The following STMND1 variants were observed in gnomAD, a reference collection of about 807,000 sequenced individuals.
STMND1 encodes stathmin domain-containing protein 1.
A neutral mutation model predicts 23.0 loss-of-function variants in STMND1; 17 were observed. The ratio of observed to expected loss-of-function variants is 0.74; its 90% CI spans 0.51 to 1.11. STMND1 has a LOEUF of 1.11. Ranked by LOEUF, STMND1 falls within the 50% of genes least tolerant of loss-of-function variation. STMND1 has a pLI of 0.00. For missense variants in STMND1, 305 were observed against 329.1 expected, an observed-to-expected ratio of 0.93 and a Z score of 0.57; for synonymous variants, 114 against 119.9, an observed-to-expected ratio of 0.95 and a Z score of 0.32.
intron 1 of STMND1, among the ~76,000 whole-genome samples, chr6:17,107,569 T>TTTC (rs2113474050): frequency 6.6e-6 from 1 of 152,288 alleles, no homozygotes; most frequent in African/African-American, 2.4e-5. Flanking sequence ...GTATACTTCT[T>TTTC]TTCTTCTTCT....
At chr6:17,126,027 C>A in intron 3 of STMND1, among the ~76,000 whole-genome samples, 1 of 72,160 alleles carries the variant, frequency 1.4e-5, no homozygotes, top group East Asian at 3.6e-4. Context: ...ATAAGGTGAT[C>A]ATTGTTTTAT....
At position 17,110,982 on chromosome 6, in the gene STMND1, G is replaced by A. The variant is rs61525654; in HGVS notation, c.82-3980G>A. 2,557 of 401,698 alleles carry A rather than the reference G, an allele frequency of 6.4e-3. 64 individuals are homozygous for A. The highest frequency in any genetic ancestry group is 0.048 in the African/African-American group (2,303 of 47,760). 24.9% of individuals were successfully genotyped at this position (401,698 alleles called of 1,614,324 possible). ...GCCAGCACCTGGAGAGAGAAGACATGGTAGTCAGGGGAGATACGATAAAAG... is the reference window on the plus strand; with the variant it reads ...GCCAGCACCTGGAGAGAGAAGACATAGTAGTCAGGGGAGATACGATAAAAG... On this transcript the variant is annotated intron_variant, in intron 1 of 4. Coordinates refer to ENST00000536551, the MANE Select transcript of STMND1 (RefSeq NM_001190766.2).
intron 3 of STMND1, among the ~76,000 whole-genome samples, chr6:17,123,381 A>G (rs764737295): frequency 6.6e-6 from 1 of 152,192 alleles, no homozygotes; most frequent in Non-Finnish European, 1.5e-5. Context: ...TGGCTTTGGT[A>G]TTAGGCCAAG....
intron 1 of STMND1, chr6:17,110,409 T>G: frequency 6.0e-6 from 1 of 166,298 alleles, no homozygotes; most frequent in Non-Finnish European, 1.3e-5. Flanking sequence ...GAGGGCAGAG[T>G]CCTGAGGCCC....
chr6:17,127,612 C>T (rs773119806), intron 3 of STMND1, among the ~76,000 whole-genome samples: 2 of 152,150 alleles, frequency 1.3e-5, no homozygotes, highest in Non-Finnish European at 2.9e-5. Context: ...AAACCCAGGG[C>T]TGACTAAGTC....
intron 3 of STMND1, among the ~76,000 whole-genome samples, 161 bp downstream of exon 3, chr6:17,120,919 A>G (rs1349720967): frequency 6.6e-6 from 1 of 152,174 alleles, no homozygotes; most frequent in East Asian, 1.9e-4. Flanking sequence ...ATCTCTGCAC[A>G]CCATCTCATA....
At position 17,120,666 on chromosome 6, in the gene STMND1, A is replaced by T; in HGVS notation, c.319A>T (p.Lys107Ter). 1 of 1,535,736 alleles carries T rather than the reference A, an allele frequency of 6.5e-7. No individual in the cohort carries two copies. The highest frequency in any genetic ancestry group is 1.4e-5 in the African/African-American group (1 of 73,158). ...ATCCCTAGAGAGTCGAGAGCGACAG[A>T]AGTCATCAGATATCCTGGAGGAACT... ...PQSLESRERQ[K>*]SSDILEELIV... is the part of the protein sequence containing the mutation. The change falls in exon 3 of 5, where the codon AAG becomes TAG. Residue 107 changes from lysine to a stop codon, truncating the protein, a stop_gained. Transcript: ENST00000536551. LOFTEE classifies it high-confidence loss of function.
chr6:17,111,519 T>C (rs1761096781), intron 1 of STMND1, among the ~76,000 whole-genome samples: 1 of 152,176 alleles, frequency 6.6e-6, no homozygotes, highest in Non-Finnish European at 1.5e-5. Context: ...TGTGGCATAG[T>C]TACATAATGA....
chr6:17,130,992 T>C lies in STMND1; in HGVS notation c.*111T>C, dbSNP rs1383285560. ...ACCTCATTCCACTGGGATTTCTGCC[T>C]TGGGCTTAAGGATGATTGTGTGGGC... On this transcript the variant is annotated 3_prime_UTR_variant, in exon 5 of 5. Transcript: ENST00000536551. The C allele has an allele frequency of 3.7e-6, 4 of 1,090,208 alleles. No homozygotes were observed. The highest frequency in any genetic ancestry group is 2.6e-5 in the East Asian group (1 of 38,382). The allele number at this position is 1,090,208 out of a possible 1,614,324, so 67.5% of individuals were successfully genotyped here.
intron 4 of STMND1, among the ~76,000 whole-genome samples, chr6:17,129,522 C>A (rs996263062): frequency 6.7e-6 from 1 of 148,450 alleles, no homozygotes; most frequent in African/African-American, 2.5e-5. Context: ...CAGGCCCATA[C>A]CACTACATGA....
chr6:17,130,854 C>T lies in STMND1; in HGVS notation c.804C>T (p.Tyr268=). The part of the protein sequence containing the change: ...SFGVVESDMS[Y]NQADDIVY ...GGGTCGTGGAGTCAGACATGTCCTA[C>T]AACCAAGCAGATGACATAGTCTACT... Residue 268 remains tyrosine, a synonymous_variant, in exon 5 of 5, where the codon TAC becomes TAT. Coordinates refer to ENST00000536551, the MANE Select transcript of STMND1 (RefSeq NM_001190766.2). 6.5e-7 allele frequency: 1 copy of T among 1,531,846 alleles called. No homozygotes were observed. Among genetic ancestry groups the T allele is most frequent in the Non-Finnish European group, 8.7e-7 (1 of 1,144,124 alleles). The allele number at this position is 1,531,846 out of a possible 1,614,324, so 94.9% of individuals were successfully genotyped here.
rs532291638 is a variant in STMND1 at position 17,115,062 on chromosome 6, T to G, written c.182T>G (p.Val61Gly). The change falls in exon 2 of 5, where the codon GTC (valine) becomes GGC (glycine). Residue 61 changes from valine (V) to glycine (G), a missense_variant. Transcript: ENST00000536551. ...GACATTGCAGAAGGCCTGGAACAAG[T>G]CCAGATGGGAAGCTTACCTGGAACC... The part of the protein sequence containing the change: ...TVDIAEGLEQ[V>G]QMGSLPGTIS... 17 of 1,535,982 alleles carry G rather than the reference T, an allele frequency of 1.1e-5. No individual in the cohort carries two copies. In the African/African-American group the frequency reaches 1.4e-4, roughly 12 times the overall value.
At chr6:17,119,158 C>T (rs73378288) in intron 2 of STMND1, among the ~76,000 whole-genome samples, 1,765 of 152,170 alleles carry the variant, frequency 0.012, 35 homozygotes, top group African/African-American at 0.041. Flanking sequence ...CTGTACAGAG[C>T]GCTTTAAAAT....
At chr6:17,104,848 T>C (rs1760997108) in intron 1 of STMND1, among the ~76,000 whole-genome samples, 1 of 152,218 alleles carries the variant, frequency 6.6e-6, no homozygotes, top group Middle Eastern at 3.2e-3. Flanking sequence ...TTCAAGTTAT[T>C]TAACCTCCCT....
At chr6:17,127,201 A>T (rs1475225456) in intron 3 of STMND1, among the ~76,000 whole-genome samples, 1 of 152,240 alleles carries the variant, frequency 6.6e-6, no homozygotes, top group African/African-American at 2.4e-5. Flanking sequence ...TATGTTATTA[A>T]ACTTATTTTA....
At chr6:17,130,297 C>T (rs2113497972) in intron 4 of STMND1, among the ~76,000 whole-genome samples, 1 of 152,238 alleles carries the variant, frequency 6.6e-6, no homozygotes, top group South Asian at 2.1e-4. Context: ...TGCATTTTCA[C>T]CAAGGGCCCC....
intron 3 of STMND1, chr6:17,128,165 T>C (rs183037726): frequency 4.6e-5 from 7 of 152,360 alleles, no homozygotes; most frequent in African/African-American, 1.7e-4. Flanking sequence ...TCTTCATAAA[T>C]ACTTTATGAC....
intron 2 of STMND1, among the ~76,000 whole-genome samples, chr6:17,117,761 C>T (rs1282084265): frequency 2.0e-5 from 3 of 148,540 alleles, no homozygotes; most frequent in Non-Finnish European, 3.0e-5. Context: ...CTGCAACCTC[C>T]GCCTCCCAGA....
chr6:17,130,566 T>C, intron 4 of STMND1, 28 bp from the exon 5 acceptor site: 1 of 1,457,124 alleles, frequency 6.9e-7, no homozygotes, highest in South Asian at 1.4e-5. Flanking sequence ...ATTCACGCTC[T>C]TTTTCATTCT....
Sources: allele counts gnomAD v4.1 joint callset (sites outside exome capture counted in the v4.1 genomes callset), GRCh38; gene constraint gnomAD v4.1.1; transcripts MANE v1.5; gene names NCBI Gene and HGNC (gene_info 2026-07-23, HGNC 2026-07-21).